ULK4: variants seen among roughly 807,000 people sequenced by gnomAD.
ULK4 encodes the protein inactive serine/threonine-protein kinase ULK4.
A neutral mutation model predicts 160.6 loss-of-function variants in ULK4; 133 were observed. The ratio of observed to expected loss-of-function variants is 0.83; its 90% CI spans 0.72 to 0.96. ULK4 has a LOEUF of 0.96. Ranked by LOEUF, ULK4 falls within the 40% of genes least tolerant of loss-of-function variation. The pLI, the probability that ULK4 is intolerant of heterozygous loss-of-function variation, is 0.00. For synonymous variants in ULK4, 534 were observed against 539.8 expected (o/e 0.99, Z 0.15); for missense variants, 1,580 against 1,499.5 (o/e 1.05, Z -0.89).
At chr3:41,684,198 C>T (rs1287074221) in intron 27 of ULK4, among the ~76,000 whole-genome samples, 1 of 152,206 alleles carries the variant, frequency 6.6e-6, no homozygotes, top group African/African-American at 2.4e-5. Context: ...ACGGAAGCTA[C>T]ACAGAAAGGC....
At chr3:41,381,848 C>T (rs146413863) in intron 35 of ULK4, among the ~76,000 whole-genome samples, 1,717 of 152,162 alleles carry the variant, frequency 0.011, 15 homozygotes, top group Non-Finnish European at 0.017. Flanking sequence ...GCCTTTGTAA[C>T]CTCTTTCCTC....
chr3:41,326,138 G>C lies in ULK4; in HGVS notation c.3678+71941C>G, dbSNP rs150698875. ...TTTAGCACACCATAAGCATGGGCAG[G>C]GGGGGGCTCCCCAAGAACAGACTGC... On this transcript the variant is annotated intron_variant, in intron 35 of 36. Transcript: ENST00000301831. Among the ~76,000 whole-genome samples the C allele has an allele frequency of 5.4e-3, 828 of 151,928 alleles. 9 individuals are homozygous for C. The highest frequency in any genetic ancestry group is 0.019 in the African/African-American group (766 of 41,368).
rs2084115656 is a variant in ULK4, at chr3:41,475,574, A to G, written c.3227-12321T>C. Among the ~76,000 whole-genome samples the G allele has an allele frequency of 2.0e-5, 3 of 152,192 alleles. No homozygotes were observed. The South Asian group carries it at 6.2e-4, about 32-fold the overall frequency. ...TTCCACATTATATTCATAAATTACA[A>G]TATCACTTTGTACCCCATAAATATA... is the stretch of plus-strand genomic sequence containing the variant. On this transcript the variant is annotated intron_variant, in intron 32 of 36. Coordinates refer to ENST00000301831, the MANE Select transcript of ULK4 (RefSeq NM_017886.4).
At chr3:41,531,294 A>C (rs1330288298) in intron 32 of ULK4, among the ~76,000 whole-genome samples, 1 of 151,008 alleles carries the variant, frequency 6.6e-6, no homozygotes, top group African/African-American at 2.4e-5. Flanking sequence ...ACAAAAAATT[A>C]GCCAGGTATG....
intron 22 of ULK4, among the ~76,000 whole-genome samples, chr3:41,743,001 T>C (rs1363812227): frequency 1.3e-5 from 2 of 151,812 alleles, no homozygotes; most frequent in African/African-American, 4.9e-5. Context: ...CTTACATTCA[T>C]ATCATCAAAG....
intron 22 of ULK4, among the ~76,000 whole-genome samples, chr3:41,735,714 A>ATTATTATTAT (rs1193815766): frequency 6.8e-6 from 1 of 147,504 alleles, no homozygotes; most frequent in Non-Finnish European, 1.5e-5. Context: ...TATTATTATT[A>ATTATTATTAT]TACTTTAAGT....
chr3:41,416,828 A>C (rs2082538526), intron 34 of ULK4, among the ~76,000 whole-genome samples: 1 of 152,184 alleles, frequency 6.6e-6, no homozygotes, highest in Non-Finnish European at 1.5e-5. Context: ...AGGGGGACCC[A>C]AATTTGTCCA....
intron 20 of ULK4, among the ~76,000 whole-genome samples, chr3:41,797,770 A>G (rs981218493): frequency 6.6e-6 from 1 of 152,160 alleles, no homozygotes; most frequent in East Asian, 1.9e-4. Context: ...CTGAGGCACA[A>G]GAATCGCCTG....
At chr3:41,763,580 A>G (rs1258580769) in intron 21 of ULK4, among the ~76,000 whole-genome samples, 4 of 152,254 alleles carry the variant, frequency 2.6e-5, no homozygotes, top group South Asian at 2.1e-4. Flanking sequence ...GTGTGACTAT[A>G]GAAACATTTA....
chr3:41,771,982 C>T (rs1229020929), intron 21 of ULK4, among the ~76,000 whole-genome samples: 3 of 152,132 alleles, frequency 2.0e-5, no homozygotes, highest in African/African-American at 7.2e-5. Context: ...CACTACCCTC[C>T]GTCTATCCTC....
intron 32 of ULK4, among the ~76,000 whole-genome samples, chr3:41,539,017 A>G (rs2086605628): frequency 6.9e-6 from 1 of 144,122 alleles, no homozygotes; most frequent in African/African-American, 2.6e-5. Flanking sequence ...TTATGCTTTC[A>G]TAACAATCTT....
intron 34 of ULK4, among the ~76,000 whole-genome samples, chr3:41,412,745 G>A (rs1041833569): frequency 6.6e-6 from 1 of 151,696 alleles, no homozygotes; most frequent in African/African-American, 2.4e-5. Flanking sequence ...ATTTTTAGTA[G>A]AGACGGGGTT....
intron 34 of ULK4, among the ~76,000 whole-genome samples, chr3:41,425,473 C>G (rs2082757541): frequency 6.6e-6 from 1 of 152,096 alleles, no homozygotes; most frequent in Non-Finnish European, 1.5e-5. Context: ...TCCACCATTT[C>G]AACCCCAAGA....
At chr3:41,366,475 A>G (rs1321068007) in intron 35 of ULK4, among the ~76,000 whole-genome samples, 1 of 152,100 alleles carries the variant, frequency 6.6e-6, no homozygotes, top group Admixed American at 6.6e-5. Flanking sequence ...ATCTAAGTAA[A>G]TATGTAATAA....
intron 17 of ULK4, among the ~76,000 whole-genome samples, chr3:41,873,296 C>G (rs531915726): frequency 5.5e-5 from 8 of 146,124 alleles, no homozygotes; most frequent in Non-Finnish European, 8.9e-5. Flanking sequence ...TTAGCTCCAT[C>G]TAACTGCTTC....
At chr3:41,363,494 A>C (rs937446656) in intron 35 of ULK4, among the ~76,000 whole-genome samples, 1 of 152,144 alleles carries the variant, frequency 6.6e-6, no homozygotes, top group African/African-American at 2.4e-5. Context: ...CTGACTTCAC[A>C]GCTCTGGTTC....
At chr3:41,541,569 T>C (rs1382265047) in intron 32 of ULK4, among the ~76,000 whole-genome samples, 1 of 152,198 alleles carries the variant, frequency 6.6e-6, no homozygotes, top group African/African-American at 2.4e-5. Flanking sequence ...GTGAAAAAAG[T>C]CAATGGTAGC....
chr3:41,506,767 A>AAAAAAAAAAAAAAAAAAAAAAAATAT, intron 32 of ULK4, among the ~76,000 whole-genome samples: 28 of 56,786 alleles, frequency 4.9e-4, no homozygotes, highest in Non-Finnish European at 5.9e-4. Flanking sequence ...TGTGATTTAA[A>AAAAAAAAAAAAAAAAAAAAAAAATAT]ATATATATAT....
chr3:41,535,060 G>A (rs922283790), intron 32 of ULK4, among the ~76,000 whole-genome samples: 1 of 152,166 alleles, frequency 6.6e-6, no homozygotes. Flanking sequence ...CCCATTTGGA[G>A]CCTGAATCTT....
Sources: gnomAD v4.1 joint callset for allele counts (sites outside exome capture counted in the v4.1 genomes callset) on GRCh38, gnomAD v4.1.1 for gene constraint, MANE v1.5 for transcripts, NCBI Gene and HGNC (gene_info 2026-07-23, HGNC 2026-07-21) for gene names.